GLOD4: variants seen among roughly 807,000 people sequenced by gnomAD.
The protein encoded by GLOD4 is glyoxalase domain containing 4.
Under a neutral mutation model 39.1 loss-of-function variants are expected in GLOD4, and 44 were observed. The ratio of observed to expected loss-of-function variants is 1.13; its 90% CI spans 0.88 to 1.45. The LOEUF is 1.45. Ranked by LOEUF, GLOD4 falls within the 40% of genes most tolerant of loss-of-function variation. GLOD4 has a pLI of 0.00. For synonymous variants in GLOD4, 145 were observed against 135.0 expected, an observed-to-expected ratio of 1.07 and a Z score of -0.52; for missense variants, 405 against 366.4, an observed-to-expected ratio of 1.11 and a Z score of -0.86.
chr17:772,294 C>T (rs988448638), intron 4 of GLOD4, among the ~76,000 whole-genome samples: 2 of 150,548 alleles, frequency 1.3e-5, no homozygotes, highest in Non-Finnish European at 2.9e-5. Context: ...CTTACATCTT[C>T]GAAATAAATG....
At chr17:770,691 C>G in intron 5 of GLOD4, 184 bp from the exon 6 acceptor site, 1 of 434,138 alleles carries the variant, frequency 2.3e-6, no homozygotes, top group Non-Finnish European at 4.0e-6. Flanking sequence ...CTGCACGCAT[C>G]TATGTTTTTT....
chr17:783,621 G>C (rs746273763), upstream of GLOD4: 9 of 291,392 alleles, frequency 3.1e-5, no homozygotes, highest in Non-Finnish European at 4.7e-5. Context: ...ACAGGCGTGA[G>C]CCACCATGCC....
At chr17:771,905 C>A (rs764161812) in intron 4 of GLOD4, among the ~76,000 whole-genome samples, 10 of 149,976 alleles carry the variant, frequency 6.7e-5, no homozygotes, top group Middle Eastern at 3.5e-3. Flanking sequence ...CCCAGCTACT[C>A]GGGAGGCTGA....
chr17:765,678 T>C (rs1176373091), intron 8 of GLOD4, among the ~76,000 whole-genome samples: 4 of 150,474 alleles, frequency 2.7e-5, no homozygotes, highest in African/African-American at 9.7e-5. Context: ...TCTCCTGACC[T>C]TGTGATCCGC....
chr17:774,378 A>T (rs1428332314), intron 4 of GLOD4, among the ~76,000 whole-genome samples: 1 of 152,246 alleles, frequency 6.6e-6, no homozygotes, highest in Non-Finnish European at 1.5e-5. Flanking sequence ...ACGTTCACCA[A>T]GTAAGGGAGT....
intron 1 of GLOD4, chr17:781,918 G>C (rs1910028818): frequency 4.1e-6 from 2 of 491,210 alleles, no homozygotes; most frequent in Non-Finnish European, 7.2e-6. Context: ...AAACGTTTAC[G>C]AGTGGCTTAA....
chr17:781,500 C>A (rs1019813231), intron 1 of GLOD4, among the ~76,000 whole-genome samples: 8 of 152,182 alleles, frequency 5.3e-5, no homozygotes, highest in Non-Finnish European at 1.0e-4. Flanking sequence ...GAATTCAGAT[C>A]CCCGTCTATT....
Position 770,114 on chromosome 17 carries a change from A to C in GLOD4, c.674T>G (p.Ile225Ser). ...EDLMKRENQK[I>S]LTPLVSLDTP... ...GTCCAGGCTCACCAGGGGAGTCAGA[A>C]TCTTCTGGTTCTCCCTTTTCATCAA... is the stretch of plus-strand genomic sequence containing the variant. Residue 225 changes from isoleucine to serine, a missense_variant, in exon 7 of 9, where the codon ATT becomes AGT. By Grantham distance (142) the Ile-to-Ser change is moderately radical. Coordinates refer to ENST00000301329, the MANE Select transcript of GLOD4 (RefSeq NM_016080.4). 1 of 1,612,816 alleles carries C rather than the reference A, an allele frequency of 6.2e-7. No homozygotes were observed.
chr17:780,101 T>C (rs1323136163), intron 1 of GLOD4, among the ~76,000 whole-genome samples: 4 of 152,002 alleles, frequency 2.6e-5, no homozygotes, highest in Non-Finnish European at 5.9e-5. Flanking sequence ...GAGGCGGAGC[T>C]TGCAGTGAGC....
intron 3 of GLOD4, among the ~76,000 whole-genome samples, chr17:776,232 T>A (rs1394244546): frequency 6.6e-6 from 1 of 152,250 alleles, no homozygotes; most frequent in Non-Finnish European, 1.5e-5. Context: ...GTCTGCCAGC[T>A]AGCTACCTAT....
At chr17:785,418 G>A (rs1049979096), upstream of GLOD4, among the ~76,000 whole-genome samples, 1 of 152,050 alleles carries the variant, frequency 6.6e-6, no homozygotes, top group South Asian at 2.1e-4. Context: ...ATTATATAAT[G>A]TATATATAAT....
chr17:770,430 G>A lies in GLOD4; in HGVS notation c.621C>T (p.Pro207=). 6.5e-7 allele frequency: 1 copy of A among 1,531,938 alleles called. No individual in the cohort carries two copies. Among genetic ancestry groups the A allele is most frequent in the Non-Finnish European group, 9.1e-7 (1 of 1,104,904 alleles). 94.9% of individuals were successfully genotyped at this position (1,531,938 alleles called of 1,614,324 possible). A position where few individuals can be genotyped will look rare whatever the true frequency, so the allele number is the denominator to read the frequency against. The change falls in exon 6 of 9, where the codon CCC becomes CCT. Residue 207 remains proline (P), a synonymous_variant. Transcript: ENST00000301329. Reference sequence around the variant, plus strand: ...TGGTATCAAGCGTTACCTCTTTCTGGGGGCAAGAGAAGGCAATTCTTCCAA... The same window carrying A: ...TGGTATCAAGCGTTACCTCTTTCTGAGGGCAAGAGAAGGCAATTCTTCCAA... ...AAFGRIAFSC[P]QKELPDLEDL... is the part of the protein sequence containing the mutation.
upstream of GLOD4, chr17:782,468 C>T (rs550931413): frequency 9.8e-5 from 158 of 1,613,804 alleles, 1 homozygote; most frequent in South Asian, 1.7e-3. Context: ...GGCGCTGGGT[C>T]CGGGCGCTGC....
chr17:771,235 A>C, intron 5 of GLOD4, 90 bp downstream of exon 5: 1 of 736,420 alleles, frequency 1.4e-6, no homozygotes, highest in Non-Finnish European at 2.3e-6. Flanking sequence ...CTTCATGTTA[A>C]CTTCATTTAT....
upstream of GLOD4, chr17:782,352 C>G: frequency 6.2e-7 from 1 of 1,612,866 alleles, no homozygotes; most frequent in Non-Finnish European, 8.5e-7. Context: ...GGCGCGCTTT[C>G]GTGACGCAGC....
chr17:773,444 A>T (rs1206491544), intron 4 of GLOD4, among the ~76,000 whole-genome samples: 1 of 152,218 alleles, frequency 6.6e-6, no homozygotes, highest in Non-Finnish European at 1.5e-5. Context: ...ATATATACGT[A>T]TTTTTGACAA....
chr17:784,384 A>G (rs556740646), upstream of GLOD4, among the ~76,000 whole-genome samples: 1 of 152,314 alleles, frequency 6.6e-6, no homozygotes, highest in South Asian at 2.1e-4. Flanking sequence ...CCATATTCTC[A>G]CTAGCTACAG....
upstream of GLOD4, among the ~76,000 whole-genome samples, chr17:785,635 G>A (rs78915851): frequency 1.6e-3 from 243 of 152,294 alleles, 8 homozygotes; most frequent in East Asian, 0.038. Context: ...TGACTCAAGC[G>A]TTCACTGCAC....
At chr17:773,395 C>T (rs1283663327) in intron 4 of GLOD4, among the ~76,000 whole-genome samples, 1 of 152,112 alleles carries the variant, frequency 6.6e-6, no homozygotes, top group African/African-American at 2.4e-5. Flanking sequence ...TACGATGGAA[C>T]TCCTAAAAAA....
Sources: allele counts gnomAD v4.1 joint callset (sites outside exome capture counted in the v4.1 genomes callset), GRCh38; gene constraint gnomAD v4.1.1; transcripts MANE v1.5; gene names NCBI Gene and HGNC (gene_info 2026-07-23, HGNC 2026-07-21).